Variants in SLC7A14 observed in about 807,000 individuals in gnomAD.
SLC7A14 encodes the protein solute carrier family 7 member 14.
Under a neutral mutation model 60.2 loss-of-function variants are expected in SLC7A14, and 37 were observed. The ratio of observed to expected loss-of-function variants is 0.61; its 90% CI spans 0.47 to 0.81. The LOEUF is 0.81. SLC7A14 is among the 30% of genes least tolerant of loss of function. The probability of loss-of-function intolerance (pLI) is 0.00; values close to 1 mark genes in which losing one functional copy is unlikely to be tolerated. For missense variants in SLC7A14, 886 were observed against 982.7 expected (o/e 0.90, Z 1.32); for synonymous variants, 399 against 395.8 (o/e 1.01, Z -0.10).
chr3:170,574,276 A>G (rs1357420160), intron 1 of SLC7A14, among the ~76,000 whole-genome samples: 1 of 152,200 alleles, frequency 6.6e-6, no homozygotes, highest in Non-Finnish European at 1.5e-5. Flanking sequence ...TATCAATGTG[A>G]TCTTTGTCTA....
At chr3:170,517,784 C>G (rs553527152) in intron 2 of SLC7A14, among the ~76,000 whole-genome samples, 1 of 152,284 alleles carries the variant, frequency 6.6e-6, no homozygotes, top group African/African-American at 2.4e-5. Context: ...ATGAGCTTGC[C>G]TGATGATGGA....
At chr3:170,569,227 T>G (rs1271093345) in intron 1 of SLC7A14, among the ~76,000 whole-genome samples, 1 of 152,108 alleles carries the variant, frequency 6.6e-6, no homozygotes, top group African/African-American at 2.4e-5. Flanking sequence ...TGAAGGGTTG[T>G]TGAATTTTGT....
At chr3:170,479,095 C>G (rs1711726607) in intron 7 of SLC7A14, among the ~76,000 whole-genome samples, 2 of 152,084 alleles carry the variant, frequency 1.3e-5, no homozygotes, top group East Asian at 3.9e-4. Context: ...GCACTCCAGC[C>G]TGGGCGACAC....
At chr3:170,544,203 T>G (rs1003057011) in intron 1 of SLC7A14, among the ~76,000 whole-genome samples, 2 of 152,070 alleles carry the variant, frequency 1.3e-5, no homozygotes, top group African/African-American at 4.8e-5. Flanking sequence ...GGGTCCCCAT[T>G]CTATTCACTT....
chr3:170,472,001 T>C (rs1392870092), intron 7 of SLC7A14, among the ~76,000 whole-genome samples: 1 of 152,018 alleles, frequency 6.6e-6, no homozygotes, highest in East Asian at 1.9e-4. Context: ...ATTATTTTTT[T>C]TGAGTTGATG....
At chr3:170,496,856 C>A (rs1435292356) in intron 4 of SLC7A14, among the ~76,000 whole-genome samples, 1 of 152,092 alleles carries the variant, frequency 6.6e-6, no homozygotes, top group East Asian at 1.9e-4. Context: ...AAGCTGGTAT[C>A]CGAGTCCTCT....
chr3:170,561,428 G>C (rs988939347), intron 1 of SLC7A14, among the ~76,000 whole-genome samples: 3 of 152,204 alleles, frequency 2.0e-5, no homozygotes, highest in Non-Finnish European at 4.4e-5. Flanking sequence ...CATGAAGAGA[G>C]TACTGGATTA....
chr3:170,530,203 T>A (rs1415434092), intron 1 of SLC7A14, among the ~76,000 whole-genome samples: 1 of 152,066 alleles, frequency 6.6e-6, no homozygotes, highest in East Asian at 1.9e-4. Context: ...GGTGGGAAGG[T>A]CTCTGTGGAC....
chr3:170,483,579 A>G (rs1711917895), intron 5 of SLC7A14, 57 bp from the exon 6 acceptor site: 2 of 1,589,572 alleles, frequency 1.3e-6, no homozygotes, highest in African/African-American at 1.3e-5. Context: ...GCATGGATAG[A>G]GGCCCCACGG....
intron 1 of SLC7A14, among the ~76,000 whole-genome samples, chr3:170,565,408 T>C (rs1430878375): frequency 6.6e-6 from 1 of 152,186 alleles, no homozygotes. Flanking sequence ...TAGAGGCAGT[T>C]GCAGATAAAA....
intron 4 of SLC7A14, among the ~76,000 whole-genome samples, chr3:170,493,412 G>T (rs1031513102): frequency 6.6e-6 from 1 of 152,194 alleles, no homozygotes; most frequent in Admixed American, 6.5e-5. Context: ...AAGTCCTTGA[G>T]AATTGTGTGG....
At chr3:170,561,969 A>G (rs1334255743) in intron 1 of SLC7A14, among the ~76,000 whole-genome samples, 1 of 152,232 alleles carries the variant, frequency 6.6e-6, no homozygotes, top group Non-Finnish European at 1.5e-5. Flanking sequence ...AAGAATGGCC[A>G]TAATCAAAAA....
intron 1 of SLC7A14, among the ~76,000 whole-genome samples, chr3:170,546,441 C>T (rs2108302646): frequency 6.6e-6 from 1 of 152,336 alleles, no homozygotes; most frequent in East Asian, 1.9e-4. Flanking sequence ...GTAAAGCCAA[C>T]CTGCTGGTAC....
In SLC7A14 at chr3:170,469,615, T is replaced by G. The variant is rs375880017; in HGVS notation, c.1994-2238A>C. On this transcript the variant is annotated intron_variant, in intron 7 of 7. Coordinates refer to ENST00000231706, the MANE Select transcript of SLC7A14 (RefSeq NM_020949.3). ...TTGGAGAATGCCTCTGTCTGAAGCA[T>G]GTTTGGCATCTGAGAATGGATTTCA... Among the ~76,000 whole-genome samples, 8 of 152,278 alleles carry G rather than the reference T, an allele frequency of 5.3e-5. No individual in the cohort carries two copies. The East Asian group carries it at 1.4e-3, about 26-fold the overall frequency.
chr3:170,478,278 A>T (rs565238852), intron 7 of SLC7A14, among the ~76,000 whole-genome samples: 1 of 152,128 alleles, frequency 6.6e-6, no homozygotes, highest in Non-Finnish European at 1.5e-5. Context: ...GGGTTTTGCC[A>T]TGTAGGCCAG....
chr3:170,488,388 A>G (rs1712104398), intron 4 of SLC7A14, among the ~76,000 whole-genome samples: 1 of 151,992 alleles, frequency 6.6e-6, no homozygotes, highest in Admixed American at 6.6e-5. Context: ...CCTCCAGACA[A>G]GGAGGGAAAA....
intron 1 of SLC7A14, among the ~76,000 whole-genome samples, chr3:170,557,743 G>A (rs183099687): frequency 1.2e-4 from 19 of 152,264 alleles, no homozygotes; most frequent in Admixed American, 9.1e-4. Context: ...AAGTATTATT[G>A]TAAGGATTAA....
At position 170,472,719 on chromosome 3, in the gene SLC7A14, A is replaced by G. The variant is rs138441445; in HGVS notation, c.1994-5342T>C. Among the ~76,000 whole-genome samples the G allele has an allele frequency of 6.0e-3, 903 of 150,430 alleles. 9 individuals are homozygous for G. Among genetic ancestry groups the G allele is most frequent in the African/African-American group, 0.021 (855 of 40,908 alleles). ...GAGGCAGAGCTTGCATTGAGCTGAG[A>G]TTGTGCCACTGCACTCCAGCCTGGG... On this transcript the variant is annotated intron_variant, in intron 7 of 7. Coordinates refer to ENST00000231706, the MANE Select transcript of SLC7A14 (RefSeq NM_020949.3).
intron 2 of SLC7A14, among the ~76,000 whole-genome samples, chr3:170,503,214 G>A (rs148550949): frequency 6.6e-6 from 1 of 152,256 alleles, no homozygotes; most frequent in Non-Finnish European, 1.5e-5. Context: ...ATGTCAGACT[G>A]TCAGTTTTTA....
Sources: gnomAD v4.1 joint callset for allele counts (sites outside exome capture counted in the v4.1 genomes callset) on GRCh38, gnomAD v4.1.1 for gene constraint, MANE v1.5 for transcripts, NCBI Gene and HGNC (gene_info 2026-07-23, HGNC 2026-07-21) for gene names.